Variants in MTAP observed in about 807,000 individuals in gnomAD.
The protein encoded by MTAP is S-methyl-5'-thioadenosine phosphorylase.
A neutral mutation model predicts 33.6 loss-of-function variants in MTAP; 33 were observed. That is an observed-to-expected ratio of 0.98 (90% CI 0.74 to 1.31). MTAP has a LOEUF of 1.31. MTAP is among the 40% of genes most tolerant of loss of function. MTAP has a pLI of 0.00. For missense variants in MTAP, 367 were observed against 360.0 expected (o/e 1.02, Z -0.16); for synonymous variants, 148 against 125.7 (o/e 1.18, Z -1.19).
At chr9:21,833,430 C>G (rs180739856) in intron 4 of MTAP, among the ~76,000 whole-genome samples, 4 of 152,130 alleles carry the variant, frequency 2.6e-5, no homozygotes, top group African/African-American at 9.7e-5. Context: ...AGGGTTCCAC[C>G]CACCTTGGCC....
intron 1 of MTAP, among the ~76,000 whole-genome samples, chr9:21,806,162 T>C (rs569270225): frequency 1.3e-5 from 2 of 152,218 alleles, no homozygotes; most frequent in South Asian, 4.1e-4. Flanking sequence ...CAGAATAGCC[T>C]GTGGGCAGGG....
chr9:21,826,305 G>A (rs1824800149), intron 4 of MTAP, among the ~76,000 whole-genome samples: 1 of 150,958 alleles, frequency 6.6e-6, no homozygotes, highest in South Asian at 2.1e-4. Flanking sequence ...TTCAAATAAG[G>A]GTCCACTCAT....
chr9:21,931,481 A>G, downstream of MTAP: 1 of 283,066 alleles, frequency 3.5e-6, no homozygotes, highest in African/African-American at 2.2e-5. Flanking sequence ...ATCTCCCAAT[A>G]GATAGAAAAG....
rs557921793 is a variant in MTAP at position 21,876,463 on chromosome 9, T to C, written c.147+21593T>C. The stretch of plus-strand genomic sequence containing the variant: ...TTGCTCATTTCTATGTCCAGGATGG[T>C]ATTGCCTAGGTTGTCTTCCAGGGAT... On this transcript the variant is annotated intron_variant, in intron 1 of 1. Coordinates refer to the MTAP transcript ENST00000577563. Among the ~76,000 whole-genome samples, 11 of 152,300 alleles carry C rather than the reference T, an allele frequency of 7.2e-5. 1 individual carries two copies. In the South Asian group the frequency reaches 2.3e-3, roughly 32 times the overall value.
intron 4 of MTAP, among the ~76,000 whole-genome samples, chr9:21,833,454 G>A (rs1230721592): frequency 6.6e-6 from 1 of 152,098 alleles, no homozygotes; most frequent in East Asian, 1.9e-4. Flanking sequence ...TAAAGTGCTG[G>A]GATTACATGT....
At chr9:21,916,122 G>GGAAGGAAGGAA (rs1296578788) in intron 1 of MTAP, among the ~76,000 whole-genome samples, 2,702 of 122,580 alleles carry the variant, frequency 0.022, 71 homozygotes, top group African/African-American at 0.046. Flanking sequence ...GAAGGAAGGA[G>GGAAGGAAGGAA]GGAGGGAAGG....
At chr9:21,874,052 T>C (rs1825972103) in intron 1 of MTAP, among the ~76,000 whole-genome samples, 1 of 152,236 alleles carries the variant, frequency 6.6e-6, no homozygotes, top group African/African-American at 2.4e-5. Flanking sequence ...GTTCATTAGC[T>C]GCTCTGTTTG....
At chr9:21,938,210 G>T (rs1219576921), downstream of MTAP, among the ~76,000 whole-genome samples, 1 of 151,314 alleles carries the variant, frequency 6.6e-6, no homozygotes, top group East Asian at 1.9e-4. Context: ...GGAGGCAGAG[G>T]TTGCAGTGAG....
chr9:21,860,397 A>C (rs1289147256), intron 7 of MTAP: 3 of 152,216 alleles, frequency 2.0e-5, no homozygotes, highest in Non-Finnish European at 4.4e-5. Flanking sequence ...CCAGCACACC[A>C]CTGTAACTAA....
intron 1 of MTAP, among the ~76,000 whole-genome samples, chr9:21,875,880 G>A (rs1418462511): frequency 6.6e-6 from 1 of 151,986 alleles, no homozygotes; most frequent in Non-Finnish European, 1.5e-5. Flanking sequence ...ATGTTCCTCT[G>A]GGTATATACC....
At chr9:21,882,616 C>G (rs1818033004) in intron 1 of MTAP, among the ~76,000 whole-genome samples, 1 of 151,482 alleles carries the variant, frequency 6.6e-6, no homozygotes, top group Non-Finnish European at 1.5e-5. Flanking sequence ...AAAATTTGAA[C>G]AACATAATTA....
At chr9:21,872,006 A>G (rs1283042344), downstream of MTAP, among the ~76,000 whole-genome samples, 6 of 152,152 alleles carry the variant, frequency 3.9e-5, no homozygotes, top group Non-Finnish European at 8.8e-5. Context: ...GTGTGTTTTA[A>G]CCATTATGCT....
intron 5 of MTAP, among the ~76,000 whole-genome samples, chr9:21,840,231 A>G (rs1418319939): frequency 6.6e-6 from 1 of 152,160 alleles, no homozygotes; most frequent in African/African-American, 2.4e-5. Flanking sequence ...CAAAAAAAAA[A>G]AAAAGTAAAG....
chr9:21,906,748 T>C (rs1385798496), intron 1 of MTAP, among the ~76,000 whole-genome samples: 1 of 152,220 alleles, frequency 6.6e-6, no homozygotes, highest in Non-Finnish European at 1.5e-5. Context: ...ATAATGATTA[T>C]CTATAAAAGA....
chr9:21,831,299 C>T (rs1824960258), intron 4 of MTAP, among the ~76,000 whole-genome samples: 1 of 152,150 alleles, frequency 6.6e-6, no homozygotes, highest in Non-Finnish European at 1.5e-5. Flanking sequence ...AGAAAAACAA[C>T]TAGATCTATA....
chr9:21,937,584 TC>T, exon 8 of MTAP: 1 of 152,328 alleles, frequency 6.6e-6, no homozygotes, highest in East Asian at 1.9e-4. Flanking sequence ...AATTGAATCT[TC>T]CCAACAAAAG....
chr9:21,842,857 GAAC>G (rs549770089), intron 5 of MTAP, among the ~76,000 whole-genome samples: 87 of 152,196 alleles, frequency 5.7e-4, no homozygotes, highest in African/African-American at 2.0e-3. Flanking sequence ...AATGGTGAAA[GAAC>G]AACGTCTTTA....
At position 21,837,761 on chromosome 9, in the gene MTAP, C is replaced by T. The variant is rs950162356; in HGVS notation, c.348-147C>T. The stretch of plus-strand genomic sequence containing the variant: ...AATACCACCCTGAAGCTTTTGTAAA[C>T]AATTGTCTTTAGCTTATCCAGAGGA... On this transcript the variant is annotated intron_variant, in intron 4 of 7. Transcript: ENST00000644715. 4.7e-6 allele frequency: 3 copies of T among 640,648 alleles called. No individual in the cohort carries two copies. In the African/African-American group the frequency reaches 5.6e-5, roughly 12 times the overall value. The allele number at this position is 640,648 out of a possible 1,614,324, so 39.7% of individuals were successfully genotyped here. A position where few individuals can be genotyped will look rare whatever the true frequency, so the allele number is the denominator to read the frequency against.
At chr9:21,847,883 G>A (rs142564996) in intron 5 of MTAP, among the ~76,000 whole-genome samples, 191 of 152,250 alleles carry the variant, frequency 1.3e-3, no homozygotes, top group African/African-American at 4.3e-3. Context: ...GCACAGCCTC[G>A]CCAGGTGTCT....
Sources: allele counts gnomAD v4.1 joint callset (sites outside exome capture counted in the v4.1 genomes callset), GRCh38; gene constraint gnomAD v4.1.1; transcripts MANE v1.5; gene names NCBI Gene and HGNC (gene_info 2026-07-23, HGNC 2026-07-21).